Variants in SLC24A2 observed in about 807,000 individuals in gnomAD.
SLC24A2 encodes sodium/potassium/calcium exchanger 2.
Under a neutral mutation model 62.0 loss-of-function variants are expected in SLC24A2, and 36 were observed. That is an observed-to-expected ratio of 0.58 (90% CI 0.44 to 0.77). The LOEUF (loss-of-function observed/expected upper bound fraction) is 0.77, where lower values mean the gene tolerates loss of function less well. Ranked by LOEUF, SLC24A2 falls within the 30% of genes least tolerant of loss-of-function variation. The probability of loss-of-function intolerance (pLI) is 0.00; values close to 1 mark genes in which losing one functional copy is unlikely to be tolerated. For missense variants in SLC24A2, 846 were observed against 817.9 expected, an observed-to-expected ratio of 1.03 and a Z score of -0.42; for synonymous variants, 358 against 294.0, an observed-to-expected ratio of 1.22 and a Z score of -2.23.
At chr9:20,242,815 C>T in the SLC24A2 span, among the ~76,000 whole-genome samples, 6 of 152,298 alleles carry the variant, frequency 3.9e-5, no homozygotes, top group South Asian at 1.0e-3. Flanking sequence ...TTGCTGCCTT[C>T]AATTTGGTTA....
At chr9:20,264,837 T>C in the SLC24A2 span, among the ~76,000 whole-genome samples, 14 of 152,234 alleles carry the variant, frequency 9.2e-5, no homozygotes, top group African/African-American at 1.4e-4. Flanking sequence ...CTGTAAAACA[T>C]AGAAGGTGGT....
chr9:20,224,759 G>A, the SLC24A2 span, among the ~76,000 whole-genome samples: 160 of 152,202 alleles, frequency 1.1e-3, no homozygotes, highest in Non-Finnish European at 2.0e-3. Flanking sequence ...GTTGGAAGGT[G>A]TAGTCCATGC....
chr9:19,519,390 A>C (rs1833085944), intron 10 of SLC24A2, among the ~76,000 whole-genome samples: 1 of 151,024 alleles, frequency 6.6e-6, no homozygotes, highest in Non-Finnish European at 1.5e-5. Context: ...TATACAACTT[A>C]AGAATAATGA....
the SLC24A2 span, among the ~76,000 whole-genome samples, chr9:20,044,992 T>C: frequency 6.6e-6 from 1 of 152,154 alleles, no homozygotes; most frequent in African/African-American, 2.4e-5. Context: ...AGGAACCATC[T>C]TTTCTCTTGC....
the SLC24A2 span, among the ~76,000 whole-genome samples, chr9:20,058,014 C>A: frequency 1.3e-5 from 2 of 152,014 alleles, no homozygotes; most frequent in Non-Finnish European, 2.9e-5. Flanking sequence ...AACAAACAAA[C>A]AAAAAACTTT....
At chr9:19,841,952 A>T in the SLC24A2 span, among the ~76,000 whole-genome samples, 1 of 152,194 alleles carries the variant, frequency 6.6e-6, no homozygotes, top group Non-Finnish European at 1.5e-5. Flanking sequence ...ACTTCTCCTT[A>T]TGAAGAATTA....
chr9:19,570,469 T>A (rs80336030), intron 7 of SLC24A2, among the ~76,000 whole-genome samples: 2,076 of 152,304 alleles, frequency 0.014, 45 homozygotes, highest in African/African-American at 0.047. Flanking sequence ...AACTCTAAGA[T>A]CATACCAGGT....
the SLC24A2 span, among the ~76,000 whole-genome samples, chr9:20,159,121 G>A: frequency 6.6e-6 from 1 of 151,572 alleles, no homozygotes; most frequent in African/African-American, 2.4e-5. Flanking sequence ...CACAAGTCAA[G>A]ATTTATACCA....
At chr9:19,604,966 G>T (rs554778020) in intron 4 of SLC24A2, among the ~76,000 whole-genome samples, 3 of 152,264 alleles carry the variant, frequency 2.0e-5, no homozygotes, top group South Asian at 2.1e-4. Flanking sequence ...TCCATCTGTT[G>T]TAAGTATAAA....
chr9:20,014,482 T>C, the SLC24A2 span, among the ~76,000 whole-genome samples: 1 of 136,254 alleles, frequency 7.3e-6, no homozygotes, highest in African/African-American at 2.8e-5. Context: ...GATGAATGGA[T>C]AAAGAAAAAT....
intron 7 of SLC24A2, among the ~76,000 whole-genome samples, chr9:19,564,847 G>A (rs1391821993): frequency 6.6e-6 from 1 of 152,182 alleles, no homozygotes; most frequent in Non-Finnish European, 1.5e-5. Flanking sequence ...TGGTTTTGAT[G>A]TGTCACAGCA....
chr9:19,837,683 A>C, the SLC24A2 span, among the ~76,000 whole-genome samples: 2,612 of 152,078 alleles, frequency 0.017, 49 homozygotes, highest in East Asian at 0.083. Flanking sequence ...CGTCTCAGCC[A>C]AAAATCTCCT....
the SLC24A2 span, among the ~76,000 whole-genome samples, chr9:19,980,664 GA>G: frequency 1.3e-5 from 2 of 152,056 alleles, no homozygotes; most frequent in Non-Finnish European, 2.9e-5. Context: ...CTTAATTTAT[GA>G]AAATTAAGTA....
the SLC24A2 span, among the ~76,000 whole-genome samples, chr9:20,098,677 C>G: frequency 6.6e-6 from 1 of 152,204 alleles, no homozygotes; most frequent in Non-Finnish European, 1.5e-5. Flanking sequence ...CATCATATCC[C>G]TTTAACAAGC....
the SLC24A2 span, among the ~76,000 whole-genome samples, chr9:20,066,485 G>A: frequency 1.3e-5 from 2 of 152,180 alleles, no homozygotes; most frequent in African/African-American, 4.8e-5. Context: ...CTGCTAAAAA[G>A]CCGACAGATT....
intron 2 of SLC24A2, among the ~76,000 whole-genome samples, chr9:19,667,153 T>A (rs1037684162): frequency 2.2e-4 from 33 of 152,262 alleles, no homozygotes; most frequent in African/African-American, 7.9e-4. Context: ...AAATAAAACC[T>A]TGAGTTAAGG....
At chr9:19,990,937 G>GTGTATATATATATATATATATATATA in the SLC24A2 span, among the ~76,000 whole-genome samples, 3 of 135,226 alleles carry the variant, frequency 2.2e-5, no homozygotes, top group African/African-American at 8.9e-5. Flanking sequence ...ATATATATAT[G>GTGTATATATATATATATATATATATA]TATGTATATG....
the SLC24A2 span, among the ~76,000 whole-genome samples, chr9:20,151,158 A>C: frequency 6.6e-6 from 1 of 151,972 alleles, no homozygotes; most frequent in Non-Finnish European, 1.5e-5. Context: ...AACCACCCCA[A>C]GAAAATGATT....
the SLC24A2 span, among the ~76,000 whole-genome samples, chr9:19,871,015 CT>C: frequency 0.02 from 2,994 of 151,036 alleles, 83 homozygotes; most frequent in African/African-American, 0.068. Context: ...ATTTTAGTTT[CT>C]TTTTTTTTCT....
Sources: gnomAD v4.1 joint callset for allele counts (sites outside exome capture counted in the v4.1 genomes callset) on GRCh38, gnomAD v4.1.1 for gene constraint, MANE v1.5 for transcripts, NCBI Gene and HGNC (gene_info 2026-07-23, HGNC 2026-07-21) for gene names.